The following SLC7A1 variants were observed in gnomAD, a reference collection of about 807,000 sequenced individuals.
SLC7A1 encodes the protein solute carrier family 7 member 1.
SLC7A1 carries 10 observed loss-of-function variants against 53.9 expected under a neutral mutation model. The ratio of observed to expected loss-of-function variants is 0.19; its 90% CI spans 0.11 to 0.31. The LOEUF (loss-of-function observed/expected upper bound fraction) is 0.31, where lower values mean the gene tolerates loss of function less well. Among genes scored for constraint, SLC7A1 ranks in the 10% least tolerant of loss-of-function variants. The pLI is 1.00. For missense variants in SLC7A1, 525 were observed against 827.2 expected, an observed-to-expected ratio of 0.63 and a Z score of 4.48; for synonymous variants, 342 against 338.7, an observed-to-expected ratio of 1.01 and a Z score of -0.11.
In SLC7A1 at chr13:29,529,539, G is replaced by A. The variant is rs542695146; in HGVS notation, c.704+999C>T. On this transcript the variant is annotated intron_variant, in intron 5 of 12. Transcript: ENST00000380752. ...CTTCTGGAAGAGCTGGGTCATGCTC[G>A]TGCCTACAGCCAGCTCTGACCAGGC... Among the ~76,000 whole-genome samples the A allele has an allele frequency of 7.9e-5, 12 of 152,282 alleles. No individual in the cohort carries two copies. The East Asian group carries it at 9.7e-4, about 12-fold the overall frequency.
At chr13:29,582,270 A>T (rs1007674068) in intron 1 of SLC7A1, among the ~76,000 whole-genome samples, 1 of 152,172 alleles carries the variant, frequency 6.6e-6, no homozygotes, top group South Asian at 2.1e-4. Context: ...CCAAGCCCTC[A>T]GCTATCACTC....
intron 2 of SLC7A1, among the ~76,000 whole-genome samples, chr13:29,546,048 T>C (rs1869908458): frequency 6.6e-6 from 1 of 152,230 alleles, no homozygotes; most frequent in South Asian, 2.1e-4. Flanking sequence ...TCCTATCCTA[T>C]TGGAGCCAGG....
chr13:29,549,714 G>A (rs1035650981), intron 2 of SLC7A1, among the ~76,000 whole-genome samples: 1 of 152,228 alleles, frequency 6.6e-6, no homozygotes, highest in African/African-American at 2.4e-5. Flanking sequence ...GCCCAGGCTG[G>A]AGTGCAGGGG....
rs902681987 is a variant in SLC7A1 at position 29,568,422 on chromosome 13, G to A, written c.-114-14562C>T. ...AACTCACATCCACCACTCAGCCTGC[G>A]AGAGCCAACTGTTTCCTGGAGGGCC... On this transcript the variant is annotated intron_variant, in intron 1 of 12. Coordinates refer to ENST00000380752, the MANE Select transcript of SLC7A1 (RefSeq NM_003045.5). Among the ~76,000 whole-genome samples, 5 of 152,328 alleles carry A rather than the reference G, an allele frequency of 3.3e-5. No homozygotes were observed. In the South Asian group the frequency reaches 6.2e-4, roughly 19 times the overall value.
chr13:29,568,907 C>T (rs80229195), intron 1 of SLC7A1, among the ~76,000 whole-genome samples: 3,889 of 152,262 alleles, frequency 0.026, 168 homozygotes, highest in African/African-American at 0.089. Flanking sequence ...CGCGCCTGAA[C>T]ACAGGTCTCC....
At chr13:29,576,106 A>G (rs1227219911) in intron 1 of SLC7A1, among the ~76,000 whole-genome samples, 1 of 151,988 alleles carries the variant, frequency 6.6e-6, no homozygotes, top group Non-Finnish European at 1.5e-5. Flanking sequence ...TGGAGAACAT[A>G]GCAAAGCTCT....
chr13:29,581,208 C>T (rs1871631492), intron 1 of SLC7A1, among the ~76,000 whole-genome samples: 1 of 152,154 alleles, frequency 6.6e-6, no homozygotes, highest in African/African-American at 2.4e-5. Flanking sequence ...CCTGCCCCCA[C>T]CCTCGCTTCT....
At chr13:29,594,650 C>T (rs191355500) in intron 1 of SLC7A1, among the ~76,000 whole-genome samples, 2 of 152,236 alleles carry the variant, frequency 1.3e-5, no homozygotes, top group African/African-American at 4.8e-5. Flanking sequence ...GGAAGAACTT[C>T]CTCTCATTCC....
intron 3 of SLC7A1, among the ~76,000 whole-genome samples, chr13:29,534,707 G>A (rs2139102233): frequency 6.6e-6 from 1 of 152,258 alleles, no homozygotes; most frequent in East Asian, 1.9e-4. Context: ...GGAGGGTGTG[G>A]TGGGGTCCAG....
chr13:29,523,454 G>A lies in SLC7A1; in HGVS notation c.861C>T (p.Pro287=), dbSNP rs375314600. ...EEVKNPQKAI[P]VGIVASLLIC... is the part of the protein sequence containing the mutation. The stretch of plus-strand genomic sequence containing the variant: ...TCAAGAGGGACGCCACGATCCCCAC[G>A]GGGATGGCCTTCTGTGGGTTCTTCA... Residue 287 remains proline, a synonymous_variant, in exon 7 of 13, where the codon CCC becomes CCT. Coordinates refer to ENST00000380752, the MANE Select transcript of SLC7A1 (RefSeq NM_003045.5). 2.2e-5 allele frequency: 35 copies of A among 1,613,812 alleles called. No individual in the cohort carries two copies. Among genetic ancestry groups the A allele is most frequent in the African/African-American group, 9.3e-5 (7 of 74,910 alleles).
intron 1 of SLC7A1, among the ~76,000 whole-genome samples, chr13:29,554,608 A>C (rs544722612): frequency 2.0e-5 from 3 of 152,222 alleles, no homozygotes; most frequent in Non-Finnish European, 4.4e-5. Flanking sequence ...TACACTCTGC[A>C]CAGATTCTTG....
At chr13:29,545,823 A>T (rs1032682122) in intron 2 of SLC7A1, among the ~76,000 whole-genome samples, 2 of 152,170 alleles carry the variant, frequency 1.3e-5, no homozygotes, top group African/African-American at 4.8e-5. Flanking sequence ...ATGACATAAA[A>T]AACGAGAAGC....
At chr13:29,570,895 C>A (rs1045749314) in intron 1 of SLC7A1, among the ~76,000 whole-genome samples, 1 of 151,240 alleles carries the variant, frequency 6.6e-6, no homozygotes, top group Non-Finnish European at 1.5e-5. Context: ...TATTTAATTT[C>A]TTTGAGTCTC....
At position 29,517,328 on chromosome 13, in the gene SLC7A1, G is replaced by C; in HGVS notation, c.1511-18C>G. 6.3e-7 allele frequency: 1 copy of C among 1,595,806 alleles called. No homozygotes were observed. Among genetic ancestry groups the C allele is most frequent in the Non-Finnish European group, 8.5e-7 (1 of 1,170,388 alleles). Reference sequence around the variant, plus strand: ...GAGAACAGCTAAGGGGGAAGGAAAAGACAGCAAGCTGCAACTCAACCATTT... The same window carrying C: ...GAGAACAGCTAAGGGGGAAGGAAAACACAGCAAGCTGCAACTCAACCATTT... On this transcript the variant is annotated intron_variant, in intron 10 of 12. Coordinates refer to ENST00000380752, the MANE Select transcript of SLC7A1 (RefSeq NM_003045.5).
intron 4 of SLC7A1, 80 bp from the exon 5 acceptor site, chr13:29,530,792 A>T (rs1351301860): frequency 2.2e-5 from 27 of 1,206,302 alleles, no homozygotes; most frequent in Non-Finnish European, 3.0e-5. Flanking sequence ...GGGGATAAGA[A>T]GGCGACTGAA....
intron 1 of SLC7A1, among the ~76,000 whole-genome samples, chr13:29,568,847 T>C (rs1195093732): frequency 1.3e-5 from 2 of 152,154 alleles, no homozygotes; most frequent in Non-Finnish European, 2.9e-5. Flanking sequence ...AGTCCGTCCC[T>C]TTATTTTACC....
chr13:29,585,493 T>C (rs979199360), intron 1 of SLC7A1, among the ~76,000 whole-genome samples: 1 of 152,226 alleles, frequency 6.6e-6, no homozygotes, highest in African/African-American at 2.4e-5. Context: ...TATATCAATA[T>C]GTGTGCCTCT....
intron 2 of SLC7A1, among the ~76,000 whole-genome samples, chr13:29,542,681 C>CAG (rs1869719389): frequency 7.3e-6 from 1 of 137,422 alleles, no homozygotes; most frequent in Non-Finnish European, 1.6e-5. Flanking sequence ...GACCCTGTTT[C>CAG]AAAAAAAAAA....
At chr13:29,543,621 G>T (rs190931960) in intron 2 of SLC7A1, among the ~76,000 whole-genome samples, 175 of 152,198 alleles carry the variant, frequency 1.1e-3, no homozygotes, top group African/African-American at 4.1e-3. Context: ...GGTGCGGAAG[G>T]AGGCAGGGAT....
Sources: allele counts gnomAD v4.1 joint callset (sites outside exome capture counted in the v4.1 genomes callset), GRCh38; gene constraint gnomAD v4.1.1; transcripts MANE v1.5; gene names NCBI Gene and HGNC (gene_info 2026-07-23, HGNC 2026-07-21).